The following FERRY3 variants were observed in gnomAD, a reference collection of about 807,000 sequenced individuals.
The protein encoded by FERRY3 is protein C12orf4.
chr12:4,489,917 A>C, the FERRY3 span: 4 of 1,437,518 alleles, frequency 2.8e-6, no homozygotes, highest in Non-Finnish European at 3.9e-6. Flanking sequence ...ACGAAAAAAT[A>C]ATAATTGCAC....
the FERRY3 span, among the ~76,000 whole-genome samples, chr12:4,529,204 A>G: frequency 1.6e-4 from 24 of 152,304 alleles, no homozygotes; most frequent in African/African-American, 5.8e-4. Flanking sequence ...TACTCTGAAG[A>G]AAAGATAAAT....
At chr12:4,534,860 C>T in the FERRY3 span, among the ~76,000 whole-genome samples, 1 of 152,104 alleles carries the variant, frequency 6.6e-6, no homozygotes, top group Admixed American at 6.6e-5. Context: ...TTACGTATTC[C>T]CTTGATACTA....
chr12:4,515,431 CACAA>C, the FERRY3 span, among the ~76,000 whole-genome samples: 12 of 152,204 alleles, frequency 7.9e-5, no homozygotes, highest in Admixed American at 2.0e-4. Flanking sequence ...TACACACATA[CACAA>C]ACAGACACAC....
the FERRY3 span, among the ~76,000 whole-genome samples, chr12:4,515,296 G>C: frequency 2.0e-4 from 31 of 152,232 alleles, 1 homozygote; most frequent in South Asian, 6.4e-3. Flanking sequence ...ATTAAAAACA[G>C]AACTATCTTA....
At chr12:4,525,356 G>A in the FERRY3 span, 16 of 1,612,584 alleles carry the variant, frequency 9.9e-6, no homozygotes, top group South Asian at 2.2e-5. Flanking sequence ...TAATTCATTC[G>A]ACCATTTATT....
chr12:4,500,080 T>G, the FERRY3 span: 7 of 1,476,588 alleles, frequency 4.7e-6, no homozygotes, highest in Admixed American at 1.2e-4. Flanking sequence ...TATTGGGGGT[T>G]AAATCAATAT....
chr12:4,513,834 G>A, the FERRY3 span, among the ~76,000 whole-genome samples: 1 of 152,028 alleles, frequency 6.6e-6, no homozygotes, highest in African/African-American at 2.4e-5. Flanking sequence ...ATAGGCATGG[G>A]CAAGGACTTC....
chr12:4,513,940 C>G, the FERRY3 span, among the ~76,000 whole-genome samples: 5 of 151,694 alleles, frequency 3.3e-5, no homozygotes, highest in African/African-American at 1.2e-4. Flanking sequence ...AAGAAACTAC[C>G]ATCAGAGTGA....
chr12:4,519,808 T>C, the FERRY3 span, among the ~76,000 whole-genome samples: 1 of 152,208 alleles, frequency 6.6e-6, no homozygotes, highest in Non-Finnish European at 1.5e-5. This position sits in a 1 kb window ranked among gnomAD's most constrained non-coding sequence, Gnocchi z 4.3. Context: ...GAACTGCGCA[T>C]GCAAGCGATC....
chr12:4,537,876 C>T, the FERRY3 span, among the ~76,000 whole-genome samples: 1 of 152,130 alleles, frequency 6.6e-6, no homozygotes, highest in Non-Finnish European at 1.5e-5. Flanking sequence ...CGCTAAAGTA[C>T]ACCCAGAAGA....
chr12:4,512,422 GCAGAGACA>G, the FERRY3 span, among the ~76,000 whole-genome samples: 1 of 152,268 alleles, frequency 6.6e-6, no homozygotes, highest in Non-Finnish European at 1.5e-5. Context: ...CCAAAGCCAG[GCAGAGACA>G]CAACCAAAAA....
chr12:4,520,484 C>T, the FERRY3 span, among the ~76,000 whole-genome samples: 2 of 152,148 alleles, frequency 1.3e-5, no homozygotes, highest in South Asian at 2.1e-4. Flanking sequence ...CTCTGGCATG[C>T]GAAGGCTGCT....
At chr12:4,498,672 C>T in the FERRY3 span, among the ~76,000 whole-genome samples, 18 of 152,254 alleles carry the variant, frequency 1.2e-4, no homozygotes, top group East Asian at 3.1e-3. Flanking sequence ...TAGCAGCAGG[C>T]CCCAACCTTT....
the FERRY3 span, chr12:4,533,950 GT>G: frequency 2.4e-6 from 1 of 417,800 alleles, no homozygotes; most frequent in Non-Finnish European, 4.1e-6. Context: ...GTAGCCTCTT[GT>G]TTTACAAAGG....
the FERRY3 span, chr12:4,500,377 C>CTAAG: frequency 6.4e-7 from 1 of 1,563,938 alleles, no homozygotes; most frequent in Non-Finnish European, 8.8e-7. Context: ...TACCAAATGC[C>CTAAG]TAAGTAAGTC....
At chr12:4,521,689 T>A in the FERRY3 span, among the ~76,000 whole-genome samples, 1 of 152,046 alleles carries the variant, frequency 6.6e-6, no homozygotes, top group Non-Finnish European at 1.5e-5. Context: ...AATGAAGACG[T>A]TGTAAGAAAA....
At chr12:4,525,388 G>A in the FERRY3 span, 1 of 1,607,334 alleles carries the variant, frequency 6.2e-7, no homozygotes, top group Non-Finnish European at 8.5e-7. Flanking sequence ...AAAAGAAACA[G>A]TATACCAACT....
At chr12:4,503,719 T>C in the FERRY3 span, among the ~76,000 whole-genome samples, 3 of 152,236 alleles carry the variant, frequency 2.0e-5, no homozygotes, top group Non-Finnish European at 4.4e-5. Flanking sequence ...GTCCTTGTTA[T>C]GTTCTGTGAT....
chr12:4,507,621 C>T, the FERRY3 span, among the ~76,000 whole-genome samples: 1 of 152,132 alleles, frequency 6.6e-6, no homozygotes, highest in African/African-American at 2.4e-5. Flanking sequence ...GTCATTACTA[C>T]TTATAGTAAC....
Sources: gnomAD v4.1 joint callset for allele counts (sites outside exome capture counted in the v4.1 genomes callset) on GRCh38, gnomAD v4.1.1 for gene constraint, Gnocchi (gnomAD v3.1) non-coding constraint, MANE v1.5 for transcripts, NCBI Gene and HGNC (gene_info 2026-07-23, HGNC 2026-07-21) for gene names.